SRPX: variants seen among roughly 807,000 people sequenced by gnomAD.
SRPX encodes sushi repeat containing protein X-linked.
In SRPX, 24 loss-of-function variants were observed where a neutral mutation model predicts 38.1. The ratio of observed to expected loss-of-function variants is 0.63; its 90% CI spans 0.46 to 0.89. SRPX has a LOEUF of 0.89. Among genes scored for constraint, SRPX ranks in the 40% least tolerant of loss-of-function variants. The probability of loss-of-function intolerance (pLI) is 0.00; values close to 1 mark genes in which losing one functional copy is unlikely to be tolerated. For missense variants in SRPX, 416 were observed against 377.8 expected (o/e 1.10, Z -0.84); for synonymous variants, 184 against 153.8 (o/e 1.20, Z -1.45).
At chrX:38,162,277 C>T (rs1351393094) in intron 5 of SRPX, among the ~76,000 whole-genome samples, 5 of 111,845 alleles carry the variant, frequency 4.5e-5, no homozygotes, top group Non-Finnish European at 9.4e-5. Context: ...CACAAGGGAG[C>T]GATAGAGCAG....
At chrX:38,160,439 A>C (rs1007250914) in intron 6 of SRPX, among the ~76,000 whole-genome samples, 1 of 112,217 alleles carries the variant, frequency 8.9e-6, no homozygotes, top group African/African-American at 3.2e-5. Context: ...GAGGAAGTGA[A>C]GTCCAGAAGA....
At chrX:38,197,979 C>T (rs2147116498) in intron 1 of SRPX, among the ~76,000 whole-genome samples, 1 of 111,843 alleles carries the variant, frequency 8.9e-6, no homozygotes, top group South Asian at 3.7e-4. Context: ...AGGATGCTGG[C>T]AAGAGGGGTG....
At chrX:38,183,805 C>T (rs1938716145) in intron 1 of SRPX, among the ~76,000 whole-genome samples, 1 of 112,022 alleles carries the variant, frequency 8.9e-6, no homozygotes, top group Non-Finnish European at 1.9e-5. Context: ...GCTTCTTCCA[C>T]ACAAATACAA....
At chrX:38,151,968 G>A (rs1161370006) in intron 9 of SRPX, among the ~76,000 whole-genome samples, 2 of 111,050 alleles carry the variant, frequency 1.8e-5, no homozygotes, top group African/African-American at 6.6e-5. Context: ...AAGAAAGAAG[G>A]TAGGCGGTGA....
chrX:38,205,105 G>A (rs140103002), intron 1 of SRPX, among the ~76,000 whole-genome samples: 22 of 112,225 alleles, frequency 2.0e-4, no homozygotes, highest in East Asian at 1.1e-3. Flanking sequence ...AGCAATTTGC[G>A]GGTGTCTGTC....
At chrX:38,178,946 CTTTTTTT>C (rs58878251) in intron 1 of SRPX, among the ~76,000 whole-genome samples, 1,063 of 81,036 alleles carry the variant, frequency 0.013, 6 homozygotes, top group Middle Eastern at 0.067. Context: ...AGTAAAATTT[CTTTTTTT>C]TTTTTTTTTT....
At chrX:38,155,892 G>T (rs1237639738) in intron 8 of SRPX, among the ~76,000 whole-genome samples, 1 of 111,624 alleles carries the variant, frequency 9.0e-6, no homozygotes, top group Non-Finnish European at 1.9e-5. Context: ...CAATGAATTT[G>T]GTTCCTATCA....
chrX:38,152,074 G>T (rs73469643), intron 9 of SRPX, among the ~76,000 whole-genome samples: 1,781 of 111,707 alleles, frequency 0.016, 12 homozygotes, highest in Middle Eastern at 0.033. Flanking sequence ...CCAGACAAGA[G>T]AATTTTTACA....
At chrX:38,189,263 A>G (rs1255281709) in intron 1 of SRPX, among the ~76,000 whole-genome samples, 1 of 111,979 alleles carries the variant, frequency 8.9e-6, no homozygotes. Flanking sequence ...GAACACTCCC[A>G]TCCTCAACCT....
intron 1 of SRPX, among the ~76,000 whole-genome samples, chrX:38,193,415 T>C (rs1367568373): frequency 2.7e-5 from 3 of 111,959 alleles, no homozygotes; most frequent in African/African-American, 9.7e-5. Flanking sequence ...TTGTTAAGGC[T>C]GCATTAGGGA....
intron 1 of SRPX, among the ~76,000 whole-genome samples, chrX:38,192,062 T>C (rs886083470): frequency 2.7e-5 from 3 of 111,408 alleles, no homozygotes; most frequent in African/African-American, 9.8e-5. Context: ...ATGGATAGGC[T>C]TCTGGTGCTA....
chrX:38,218,730 G>A (rs768364436), intron 1 of SRPX, among the ~76,000 whole-genome samples: 1 of 111,996 alleles, frequency 8.9e-6, no homozygotes, highest in African/African-American at 3.2e-5. Flanking sequence ...AGCACTTAGA[G>A]TGAACTCAGC....
intron 8 of SRPX, 79 bp downstream of exon 8, chrX:38,156,817 G>A (rs1369165111): frequency 1.1e-5 from 12 of 1,103,025 alleles, no homozygotes; most frequent in Non-Finnish European, 1.4e-5. Context: ...ACTGAATCTG[G>A]CCTTTGCTTT....
chrX:38,203,191 CAATT>C (rs1318960719), intron 1 of SRPX, among the ~76,000 whole-genome samples: 1 of 110,844 alleles, frequency 9.0e-6, no homozygotes, highest in Non-Finnish European at 1.9e-5. Context: ...ATGATCATAT[CAATT>C]AATACAGAAA....
chrX:38,165,443 G>T (rs1333556801), intron 4 of SRPX, among the ~76,000 whole-genome samples: 2 of 111,959 alleles, frequency 1.8e-5, no homozygotes, highest in Non-Finnish European at 3.8e-5. Context: ...CAGAGAATTT[G>T]CCATGTATTG....
rs778834819 is a variant in SRPX, at chrX:38,187,901, A to G, written c.98-9557T>C. 5.3e-5 allele frequency among the ~76,000 whole-genome samples: 6 copies of G among 112,407 alleles called. No homozygotes were observed. The South Asian group carries it at 1.5e-3, about 28-fold the overall frequency. On this transcript the variant is annotated intron_variant, in intron 1 of 9. Transcript: ENST00000378533. ...TAGCAGGCAAGATCTATTCTGTTAT[A>G]TCTTGGCAAAGTTTCAACAGAGGAG...
At chrX:38,209,764 A>G (rs146862791) in intron 1 of SRPX, among the ~76,000 whole-genome samples, 1 of 112,604 alleles carries the variant, frequency 8.9e-6, no homozygotes, top group East Asian at 2.8e-4. Flanking sequence ...TGAATACACA[A>G]AAACACATTT....
intron 7 of SRPX, among the ~76,000 whole-genome samples, chrX:38,159,167 A>G (rs915068999): frequency 8.9e-6 from 1 of 112,119 alleles, no homozygotes; most frequent in African/African-American, 3.2e-5. Context: ...CTTATAGCAT[A>G]TCTCAATTCA....
chrX:38,185,077 T>C (rs1422347963), intron 1 of SRPX, among the ~76,000 whole-genome samples: 5 of 112,264 alleles, frequency 4.5e-5, no homozygotes, highest in Non-Finnish European at 9.4e-5. Flanking sequence ...TTTAAAAGTA[T>C]TCTATGGAGA....
Sources: gnomAD v4.1 joint callset for allele counts (sites outside exome capture counted in the v4.1 genomes callset) on GRCh38, gnomAD v4.1.1 for gene constraint, MANE v1.5 for transcripts, NCBI Gene and HGNC (gene_info 2026-07-23, HGNC 2026-07-21) for gene names.